Variants in TENM2 observed in about 807,000 individuals in gnomAD.
TENM2 encodes teneurin transmembrane protein 2.
In TENM2, 52 loss-of-function variants were observed where a neutral mutation model predicts 245.2. That is an observed-to-expected ratio of 0.21 (90% CI 0.17 to 0.27). The LOEUF is 0.27. TENM2 is among the 10% of genes least tolerant of loss of function. The probability of loss-of-function intolerance (pLI) is 1.00; values close to 1 mark genes in which losing one functional copy is unlikely to be tolerated. For synonymous variants in TENM2, 1,363 were observed against 1,438.9 expected, an observed-to-expected ratio of 0.95 and a Z score of 1.19; for missense variants, 3,046 against 3,666.8, an observed-to-expected ratio of 0.83 and a Z score of 4.37.
the TENM2 span, among the ~76,000 whole-genome samples, chr5:167,016,703 C>G: frequency 6.6e-6 from 1 of 152,150 alleles, no homozygotes. Flanking sequence ...GGCACAGAAA[C>G]ACATATGCTA....
intron 3 of TENM2, among the ~76,000 whole-genome samples, chr5:167,881,564 C>T (rs558772968): frequency 1.3e-5 from 2 of 152,190 alleles, no homozygotes; most frequent in African/African-American, 4.8e-5. Flanking sequence ...AAACATCATT[C>T]ACTTTCCCAA....
At chr5:167,734,443 T>C (rs889406379) in intron 2 of TENM2, among the ~76,000 whole-genome samples, 4 of 148,794 alleles carry the variant, frequency 2.7e-5, no homozygotes, top group African/African-American at 9.8e-5. Context: ...TAAATAAATA[T>C]AAATAACTAT....
At chr5:168,179,728 G>A (rs1488876846) in intron 13 of TENM2, among the ~76,000 whole-genome samples, 1 of 152,114 alleles carries the variant, frequency 6.6e-6, no homozygotes, top group African/African-American at 2.4e-5. Flanking sequence ...CTTAAAAACA[G>A]GGTGACCATA....
the TENM2 span, among the ~76,000 whole-genome samples, chr5:167,254,869 G>A: frequency 6.6e-6 from 1 of 151,970 alleles, no homozygotes; most frequent in Non-Finnish European, 1.5e-5. Context: ...GAGTGCTAAG[G>A]GCCTGTGGGG....
the TENM2 span, among the ~76,000 whole-genome samples, chr5:167,263,132 C>G: frequency 6.6e-6 from 1 of 151,698 alleles, no homozygotes; most frequent in Non-Finnish European, 1.5e-5. Flanking sequence ...TACAAATATT[C>G]AGACCATAGC....
chr5:168,227,109 G>A (rs576167185), intron 24 of TENM2, among the ~76,000 whole-genome samples: 14 of 152,280 alleles, frequency 9.2e-5, no homozygotes, highest in African/African-American at 3.4e-4. Context: ...ACATCTCAGA[G>A]GCCAGCCCAG....
intron 2 of TENM2, among the ~76,000 whole-genome samples, chr5:167,833,591 G>C (rs192832703): frequency 6.6e-6 from 1 of 152,180 alleles, no homozygotes; most frequent in African/African-American, 2.4e-5. Flanking sequence ...CAGTCTTTGC[G>C]TAATCAGCGG....
chr5:167,086,484 C>T, the TENM2 span, among the ~76,000 whole-genome samples: 2 of 152,124 alleles, frequency 1.3e-5, no homozygotes, highest in Admixed American at 6.5e-5. Flanking sequence ...TTTGTATCTT[C>T]GTAAATACTC....
At chr5:167,019,570 A>G in the TENM2 span, among the ~76,000 whole-genome samples, 1 of 152,034 alleles carries the variant, frequency 6.6e-6, no homozygotes, top group South Asian at 2.1e-4. Flanking sequence ...TCCTGGGTTC[A>G]AGCAATTCTC....
chr5:167,074,735 C>T, the TENM2 span, among the ~76,000 whole-genome samples: 14 of 152,124 alleles, frequency 9.2e-5, no homozygotes, highest in African/African-American at 2.7e-4. Context: ...TTCATGGGTG[C>T]GCGGCCTGAA....
chr5:167,717,497 A>C (rs1410759726), intron 2 of TENM2, among the ~76,000 whole-genome samples: 1 of 152,154 alleles, frequency 6.6e-6, no homozygotes, highest in Non-Finnish European at 1.5e-5. Flanking sequence ...TACTCTGAAC[A>C]CTTTGCCTCC....
intron 2 of TENM2, among the ~76,000 whole-genome samples, chr5:167,384,121 A>G (rs773388961): frequency 4.6e-5 from 7 of 152,130 alleles, no homozygotes; most frequent in Non-Finnish European, 8.8e-5. Context: ...TTTTCTTCTA[A>G]TTCTCTCTGC....
intron 15 of TENM2, among the ~76,000 whole-genome samples, chr5:168,196,635 T>C (rs927087526): frequency 6.6e-6 from 1 of 152,184 alleles, no homozygotes; most frequent in Admixed American, 6.5e-5. Flanking sequence ...CTAATTTTTG[T>C]ATTTTTAGTA....
At chr5:168,181,075 T>G (rs945240096) in intron 13 of TENM2, among the ~76,000 whole-genome samples, 1 of 152,160 alleles carries the variant, frequency 6.6e-6, no homozygotes, top group African/African-American at 2.4e-5. Flanking sequence ...AGCAACAACA[T>G]AGACATCACC....
intron 12 of TENM2, among the ~76,000 whole-genome samples, chr5:168,144,434 G>T (rs1261217361): frequency 6.6e-6 from 1 of 151,318 alleles, no homozygotes; most frequent in Non-Finnish European, 1.5e-5. Flanking sequence ...TGTGGTGTTT[G>T]GTTTTTTGTT....
intron 2 of TENM2, among the ~76,000 whole-genome samples, chr5:167,690,099 C>T (rs1757324024): frequency 8.7e-6 from 1 of 114,920 alleles, no homozygotes; most frequent in African/African-American, 3.7e-5. Context: ...GAAAAAAACA[C>T]ACTTTTTTTT....
chr5:167,425,586 C>A (rs1054931584), intron 2 of TENM2, among the ~76,000 whole-genome samples: 1 of 152,136 alleles, frequency 6.6e-6, no homozygotes, highest in Non-Finnish European at 1.5e-5. Flanking sequence ...TTTCAGTTAT[C>A]TTCCTGAGAA....
chr5:167,685,184 A>G (rs2150388202), intron 2 of TENM2, among the ~76,000 whole-genome samples: 1 of 152,370 alleles, frequency 6.6e-6, no homozygotes, highest in East Asian at 1.9e-4. Flanking sequence ...GCTATTTTTG[A>G]AAAGTGACTC....
At chr5:167,008,523 C>G in the TENM2 span, among the ~76,000 whole-genome samples, 2 of 152,192 alleles carry the variant, frequency 1.3e-5, no homozygotes, top group African/African-American at 4.8e-5. Flanking sequence ...ATGCAGGACA[C>G]TTGAGTCTCC....
Sources: allele counts gnomAD v4.1 joint callset (sites outside exome capture counted in the v4.1 genomes callset), GRCh38; gene constraint gnomAD v4.1.1; transcripts MANE v1.5; gene names NCBI Gene and HGNC (gene_info 2026-07-23, HGNC 2026-07-21).